The following IL1RAPL1 variants were observed in gnomAD, a reference collection of about 807,000 sequenced individuals.
The protein encoded by IL1RAPL1 is interleukin 1 receptor accessory protein like 1, also known as interleukin-1 receptor accessory protein-like 1.
IL1RAPL1 carries 3 observed loss-of-function variants against 48.4 expected under a neutral mutation model. The observed-to-expected ratio is 0.06, with a 90% CI of 0.03 to 0.16. The LOEUF (loss-of-function observed/expected upper bound fraction) is 0.16, where lower values mean the gene tolerates loss of function less well. Among genes scored for constraint, IL1RAPL1 ranks in the 10% least tolerant of loss-of-function variants. The pLI, the probability that IL1RAPL1 is intolerant of heterozygous loss-of-function variation, is 1.00. For synonymous variants in IL1RAPL1, 185 were observed against 187.7 expected, an observed-to-expected ratio of 0.99 and a Z score of 0.12; for missense variants, 349 against 530.6, an observed-to-expected ratio of 0.66 and a Z score of 3.36.
chrX:28,760,342 C>T (rs1022253215), intron 1 of IL1RAPL1, among the ~76,000 whole-genome samples: 2 of 111,760 alleles, frequency 1.8e-5, no homozygotes, highest in Non-Finnish European at 3.8e-5. Flanking sequence ...AATAATACAA[C>T]AATGCTTAAA....
intron 5 of IL1RAPL1, among the ~76,000 whole-genome samples, chrX:29,400,058 T>A (rs1425178539): frequency 9.0e-6 from 1 of 111,636 alleles, no homozygotes; most frequent in Non-Finnish European, 1.9e-5. Flanking sequence ...CATGTCCTCA[T>A]GAACTTGAAA....
At chrX:29,826,898 G>A (rs1020873487) in intron 6 of IL1RAPL1, among the ~76,000 whole-genome samples, 1 of 111,625 alleles carries the variant, frequency 9.0e-6, no homozygotes, top group African/African-American at 3.3e-5. Context: ...TGAGTCATAC[G>A]GTATCTCTAT....
intron 6 of IL1RAPL1, among the ~76,000 whole-genome samples, chrX:29,695,972 T>A (rs1183757818): frequency 6.3e-5 from 7 of 111,826 alleles, no homozygotes; most frequent in Admixed American, 9.5e-5. Context: ...TAAAATCTCT[T>A]CTGGTAAATT....
At chrX:29,683,794 G>A (rs1412030744) in intron 6 of IL1RAPL1, among the ~76,000 whole-genome samples, 3 of 112,043 alleles carry the variant, frequency 2.7e-5, no homozygotes, top group Admixed American at 1.9e-4. Context: ...AGAACATCTA[G>A]TAATAATTCC....
intron 2 of IL1RAPL1, among the ~76,000 whole-genome samples, chrX:29,249,822 A>C (rs1250368934): frequency 9.0e-6 from 1 of 111,676 alleles, no homozygotes; most frequent in East Asian, 2.8e-4. Flanking sequence ...TTTCCTCATT[A>C]ATGCTGAGTG....
chrX:29,111,671 T>TGTG (rs1928569524), intron 2 of IL1RAPL1, among the ~76,000 whole-genome samples: 1 of 111,599 alleles, frequency 9.0e-6, no homozygotes, highest in Non-Finnish European at 1.9e-5. Context: ...GATGCCATAT[T>TGTG]ATTTTCCAAA....
In IL1RAPL1 at chrX:29,405,360, C is replaced by CTTTCTTT. The variant is rs1377087452; in HGVS notation, c.703+6055_703+6056insCTTTTTT. Among the ~76,000 whole-genome samples the CTTTCTTT allele has an allele frequency of 2.7e-3, 272 of 99,388 alleles. 24 individuals are homozygous for CTTTCTTT. Among genetic ancestry groups the CTTTCTTT allele is most frequent in the African/African-American group, 0.011 (248 of 22,090 alleles). 86.3% of individuals were successfully genotyped at this position (99,388 alleles called of 115,157 possible). On this transcript the variant is annotated intron_variant, in intron 5 of 10. Coordinates refer to ENST00000378993, the MANE Select transcript of IL1RAPL1 (RefSeq NM_014271.4). ...ATAGATATGATATTTTCTCTGTGTT[C>CTTTCTTT]TTTATTTATTTATTTATTTTTTTTG...
chrX:29,798,760 T>C (rs548487611), intron 6 of IL1RAPL1, among the ~76,000 whole-genome samples: 4 of 112,509 alleles, frequency 3.6e-5, no homozygotes, highest in Admixed American at 2.8e-4. Flanking sequence ...ACTAGGATGC[T>C]GGATCGCATC....
intron 2 of IL1RAPL1, among the ~76,000 whole-genome samples, chrX:28,853,260 T>G (rs1484482461): frequency 9.0e-6 from 1 of 111,570 alleles, no homozygotes; most frequent in Non-Finnish European, 1.9e-5. Flanking sequence ...CGGGGAAAGC[T>G]CAGGTTAGTG....
At chrX:29,522,073 T>A (rs1221283323) in intron 5 of IL1RAPL1, among the ~76,000 whole-genome samples, 1 of 112,214 alleles carries the variant, frequency 8.9e-6, no homozygotes, top group African/African-American at 3.2e-5. Context: ...GAATTGCATA[T>A]CATTTAAGAG....
At chrX:29,550,187 T>C (rs963778186) in intron 5 of IL1RAPL1, among the ~76,000 whole-genome samples, 1 of 111,178 alleles carries the variant, frequency 9.0e-6, no homozygotes, top group Non-Finnish European at 1.9e-5. Flanking sequence ...AATTCTTTTC[T>C]TTTCTTTTCT....
intron 2 of IL1RAPL1, among the ~76,000 whole-genome samples, chrX:29,199,594 C>T (rs1759136788): frequency 9.0e-6 from 1 of 110,892 alleles, no homozygotes; most frequent in African/African-American, 3.3e-5. Flanking sequence ...TCATAAGGAG[C>T]ACATAACCTA....
chrX:29,088,672 CAAAAAAAA>C (rs1182451817), intron 2 of IL1RAPL1, among the ~76,000 whole-genome samples: 1 of 32,885 alleles, frequency 3.0e-5, no homozygotes, highest in South Asian at 2.0e-3. Context: ...CACTCCTTCT[CAAAAAAAA>C]AAAAAAAAAA....
At chrX:29,282,544 A>G (rs1932218398) in intron 2 of IL1RAPL1, among the ~76,000 whole-genome samples, 1 of 111,798 alleles carries the variant, frequency 8.9e-6, no homozygotes, top group Non-Finnish European at 1.9e-5. Flanking sequence ...TTCTTCCTGA[A>G]ATGTCTCACC....
chrX:28,684,119 C>T (rs1361330479), intron 1 of IL1RAPL1, among the ~76,000 whole-genome samples: 1 of 112,051 alleles, frequency 8.9e-6, no homozygotes, highest in African/African-American at 3.2e-5. Context: ...AATTATATAC[C>T]CCCTCTTCTG....
At chrX:29,090,508 G>A (rs917076106) in intron 2 of IL1RAPL1, among the ~76,000 whole-genome samples, 6 of 109,914 alleles carry the variant, frequency 5.5e-5, no homozygotes, top group African/African-American at 2.0e-4. Context: ...CATCTCTGGG[G>A]AGGAAAAAAG....
intron 5 of IL1RAPL1, among the ~76,000 whole-genome samples, chrX:29,472,888 C>A (rs1934936372): frequency 8.9e-6 from 1 of 112,192 alleles, no homozygotes; most frequent in African/African-American, 3.2e-5. Context: ...ATCTCTAATT[C>A]TTTTCTTTAT....
rs754121417 is a variant in IL1RAPL1 at position 29,447,078 on chromosome X, T to G, written c.703+47770T>G. Among the ~76,000 whole-genome samples, 4 of 111,512 alleles carry G rather than the reference T, an allele frequency of 3.6e-5. No individual in the cohort carries two copies. In the South Asian group the frequency reaches 1.5e-3, roughly 42 times the overall value. ...CAACTAAATACATTTATAAAAATAA[T>G]TTATCTTAAAAAACATGATCCATCT... is the stretch of plus-strand genomic sequence containing the variant. On this transcript the variant is annotated intron_variant, in intron 5 of 10. Coordinates refer to ENST00000378993, the MANE Select transcript of IL1RAPL1 (RefSeq NM_014271.4).
At chrX:29,425,785 G>GGCTAA (rs1382299853) in intron 5 of IL1RAPL1, among the ~76,000 whole-genome samples, 2 of 109,449 alleles carry the variant, frequency 1.8e-5, no homozygotes, top group African/African-American at 6.7e-5. Context: ...ATGTTGCCCA[G>GGCTAA]GCTAATCTCG....
Sources: gnomAD v4.1 joint callset for allele counts (sites outside exome capture counted in the v4.1 genomes callset) on GRCh38, gnomAD v4.1.1 for gene constraint, MANE v1.5 for transcripts, NCBI Gene and HGNC (gene_info 2026-07-23, HGNC 2026-07-21) for gene names.